The following ME1 variants were observed in gnomAD, a reference collection of about 807,000 sequenced individuals.
ME1 encodes the protein NADP-dependent malic enzyme.
ME1 carries 74 observed loss-of-function variants against 66.4 expected under a neutral mutation model. The observed-to-expected ratio is 1.11, with a 90% CI of 0.92 to 1.35. The LOEUF (loss-of-function observed/expected upper bound fraction) is 1.35. Among genes scored for constraint, ME1 ranks in the 40% most tolerant of loss-of-function variants. The pLI, the probability that ME1 is intolerant of heterozygous loss-of-function variation, is 0.00. For missense variants in ME1, 750 were observed against 694.1 expected, an observed-to-expected ratio of 1.08 and a Z score of -0.90; for synonymous variants, 251 against 235.6, an observed-to-expected ratio of 1.07 and a Z score of -0.60.
chr6:83,427,270 G>A (rs1024692346), intron 1 of ME1, among the ~76,000 whole-genome samples: 3 of 152,026 alleles, frequency 2.0e-5, no homozygotes, highest in African/African-American at 2.4e-5. Flanking sequence ...CAAATAGTAA[G>A]GCTTAGACTC....
chr6:83,303,500 A>G (rs946535344), intron 6 of ME1, among the ~76,000 whole-genome samples: 1 of 152,162 alleles, frequency 6.6e-6, no homozygotes, highest in African/African-American at 2.4e-5. Context: ...AGGGAAAGCT[A>G]AAGCTTACTG....
At chr6:83,428,865 CATCTT>C (rs1351102578) in intron 1 of ME1, among the ~76,000 whole-genome samples, 3 of 152,304 alleles carry the variant, frequency 2.0e-5, no homozygotes, top group African/African-American at 7.2e-5. Context: ...ATTAATGTTA[CATCTT>C]ATCTTTGATA....
chr6:83,400,173 T>C (rs1424507442), intron 2 of ME1, among the ~76,000 whole-genome samples: 2 of 152,208 alleles, frequency 1.3e-5, no homozygotes, highest in Non-Finnish European at 1.5e-5. Context: ...CATGTTGAAA[T>C]GTAATCCCCA....
At chr6:83,273,498 T>G (rs1767122268) in intron 6 of ME1, among the ~76,000 whole-genome samples, 2 of 152,160 alleles carry the variant, frequency 1.3e-5, no homozygotes, top group Non-Finnish European at 2.9e-5. Flanking sequence ...AACTCAACAC[T>G]TACGTTTCAA....
At chr6:83,349,705 A>G (rs1220332390) in intron 4 of ME1, among the ~76,000 whole-genome samples, 1 of 152,210 alleles carries the variant, frequency 6.6e-6, no homozygotes, top group East Asian at 1.9e-4. Context: ...TATTACTTAT[A>G]TAATTTCCTT....
intron 6 of ME1, among the ~76,000 whole-genome samples, chr6:83,281,899 GTTC>G (rs1213060767): frequency 1.2e-4 from 16 of 134,228 alleles, no homozygotes; most frequent in Admixed American, 9.8e-4. Flanking sequence ...AACACTGAAT[GTTC>G]TCACTCAGCA....
Position 83,324,722 on chromosome 6 carries a change from A to G in ME1, c.601-9309T>C, listed in dbSNP as rs1423505103. On this transcript the variant is annotated intron_variant, in intron 5 of 13. Coordinates refer to ENST00000369705, the MANE Select transcript of ME1 (RefSeq NM_002395.6). The stretch of plus-strand genomic sequence containing the variant: ...TAATTAATAGCCTACCAACCAAAAA[A>G]AAAAAAAAAAAAAAAAAAGCCCAGG... Among the ~76,000 whole-genome samples, 199 of 147,050 alleles carry G rather than the reference A, an allele frequency of 1.4e-3. No individual in the cohort carries two copies. The East Asian group carries it at 0.029, about 22-fold the overall frequency.
intron 5 of ME1, among the ~76,000 whole-genome samples, chr6:83,315,978 GA>G (rs1768023511): frequency 6.6e-6 from 1 of 151,734 alleles, no homozygotes; most frequent in African/African-American, 2.4e-5. Context: ...CTGAGGAAAA[GA>G]AAAAAATAAA....
At chr6:83,314,555 G>C (rs935110708) in intron 6 of ME1, among the ~76,000 whole-genome samples, 1 of 152,024 alleles carries the variant, frequency 6.6e-6, no homozygotes, top group Non-Finnish European at 1.5e-5. Context: ...CATAAACTTT[G>C]TTTTACACAC....
At chr6:83,226,753 T>A (rs1426467702) in intron 11 of ME1, among the ~76,000 whole-genome samples, 1 of 151,890 alleles carries the variant, frequency 6.6e-6, no homozygotes, top group Non-Finnish European at 1.5e-5. Context: ...TTTGTTGTAA[T>A]GATATTTTAA....
rs1789864463 is a variant in ME1 at position 83,211,206 on chromosome 6, A to G, written c.*718T>C. On this transcript the variant is annotated 3_prime_UTR_variant, in exon 14 of 14. Transcript: ENST00000369705. ...TCCACAAAATCCCTGTAGCAACAGT[A>G]TGGTAGCTGAAGGATGGGATGTTTG... 1 of 152,376 alleles carries G rather than the reference A, an allele frequency of 6.6e-6. No homozygotes were observed. The allele number at this position is 152,376 out of a possible 1,614,324, so 9.4% of individuals were successfully genotyped here.
rs565011114 is a variant in ME1, at chr6:83,243,763, AATTAT to A, written c.815-4132_815-4128del. Among the ~76,000 whole-genome samples, 585 of 131,784 alleles carry A rather than the reference AATTAT, an allele frequency of 4.4e-3. 5 individuals carry two copies. Among genetic ancestry groups the A allele is most frequent in the African/African-American group, 0.016 (544 of 33,964 alleles). 86.5% of individuals were successfully genotyped at this position (131,784 alleles called of 152,430 possible). A position where few individuals can be genotyped will look rare whatever the true frequency, so the allele number is the denominator to read the frequency against. On this transcript the variant is annotated intron_variant, in intron 7 of 13. Coordinates refer to ENST00000369705, the MANE Select transcript of ME1 (RefSeq NM_002395.6). ...AATTATATTATATTATATATTATAT[AATTAT>A]ATTATATTTATATATAATTATCTTA...
At chr6:83,225,311 A>T (rs1217040166) in intron 11 of ME1, among the ~76,000 whole-genome samples, 1 of 151,874 alleles carries the variant, frequency 6.6e-6, no homozygotes, top group African/African-American at 2.4e-5. Context: ...GAGAGTGGAC[A>T]TCTAGTTGAG....
At chr6:83,396,401 A>C (rs1320859981) in intron 3 of ME1, among the ~76,000 whole-genome samples, 17 of 152,196 alleles carry the variant, frequency 1.1e-4, no homozygotes, top group Non-Finnish European at 1.5e-4. Flanking sequence ...CAAAATACTT[A>C]GGAATAAATT....
intron 6 of ME1, among the ~76,000 whole-genome samples, chr6:83,263,716 G>T (rs535818623): frequency 6.6e-6 from 1 of 151,980 alleles, no homozygotes; most frequent in South Asian, 2.1e-4. Flanking sequence ...AGCAGAGTCT[G>T]ATCCGTGAAG....
intron 3 of ME1, among the ~76,000 whole-genome samples, chr6:83,366,985 A>T (rs143457330): frequency 1.3e-5 from 2 of 152,276 alleles, no homozygotes; most frequent in East Asian, 3.9e-4. Context: ...TAGTATTACA[A>T]AATGTATTTC....
At chr6:83,425,493 A>G (rs1460338897) in intron 1 of ME1, among the ~76,000 whole-genome samples, 2 of 152,304 alleles carry the variant, frequency 1.3e-5, no homozygotes, top group South Asian at 2.1e-4. Context: ...CCTTCTTCAC[A>G]TGGCGGCAGG....
intron 6 of ME1, among the ~76,000 whole-genome samples, chr6:83,313,740 T>C (rs2128538923): frequency 1.3e-5 from 2 of 149,160 alleles, no homozygotes; most frequent in East Asian, 3.9e-4. Flanking sequence ...AAAAAACTAT[T>C]AGAAATTAAC....
At chr6:83,239,219 A>G (rs2128525826) in intron 8 of ME1, among the ~76,000 whole-genome samples, 1 of 152,180 alleles carries the variant, frequency 6.6e-6, no homozygotes, top group South Asian at 2.1e-4. Context: ...AAACCAGCTT[A>G]AATACATAAA....
Sources: allele counts gnomAD v4.1 joint callset (sites outside exome capture counted in the v4.1 genomes callset), GRCh38; gene constraint gnomAD v4.1.1; transcripts MANE v1.5; gene names NCBI Gene and HGNC (gene_info 2026-07-23, HGNC 2026-07-21).